Variants in LINGO2 observed in about 807,000 individuals in gnomAD.
LINGO2 encodes the protein leucine-rich repeat and immunoglobulin-like domain-containing nogo receptor-interacting protein 2.
In LINGO2, 14 loss-of-function variants were observed where a neutral mutation model predicts 30.6. The observed-to-expected ratio is 0.46, with a 90% CI of 0.30 to 0.72. LINGO2 has a LOEUF of 0.72. Ranked by LOEUF, LINGO2 falls within the 30% of genes least tolerant of loss-of-function variation. LINGO2 has a pLI of 0.07. For missense variants in LINGO2, 729 were observed against 751.7 expected (o/e 0.97, Z 0.35); for synonymous variants, 317 against 288.5 (o/e 1.10, Z -1.00).
chr9:27,961,285 G>A (rs56197633), intron 5 of LINGO2, among the ~76,000 whole-genome samples: 1 of 152,298 alleles, frequency 6.6e-6, no homozygotes, highest in African/African-American at 2.4e-5. Flanking sequence ...CCCATCATAA[G>A]TCATGGAGTG....
chr9:28,164,577 C>G (rs956695607), intron 4 of LINGO2, among the ~76,000 whole-genome samples: 1 of 152,066 alleles, frequency 6.6e-6, no homozygotes, highest in Non-Finnish European at 1.5e-5. Context: ...AAATAATGAA[C>G]TATATTGGAG....
At chr9:29,001,356 A>G in the LINGO2 span, among the ~76,000 whole-genome samples, 2 of 151,940 alleles carry the variant, frequency 1.3e-5, no homozygotes, top group African/African-American at 2.4e-5. Flanking sequence ...TATGTGACCA[A>G]TGTTTTATTC....
the LINGO2 span, among the ~76,000 whole-genome samples, chr9:28,830,102 T>C: frequency 6.6e-6 from 1 of 151,862 alleles, no homozygotes; most frequent in African/African-American, 2.4e-5. Context: ...AAAAGCAGAG[T>C]GCTACAAACC....
At chr9:28,478,023 A>G (rs1375320850) in intron 1 of LINGO2, among the ~76,000 whole-genome samples, 2 of 152,150 alleles carry the variant, frequency 1.3e-5, no homozygotes, top group African/African-American at 4.8e-5. Context: ...TTTTCATCCC[A>G]CAGGTCTCAG....
intron 3 of LINGO2, among the ~76,000 whole-genome samples, chr9:28,299,487 G>A (rs1326964099): frequency 6.6e-6 from 1 of 151,928 alleles, no homozygotes; most frequent in African/African-American, 2.4e-5. Context: ...GAAAAGGTCA[G>A]AAAGTATTTC....
intron 4 of LINGO2, among the ~76,000 whole-genome samples, chr9:28,259,551 G>A (rs1393340240): frequency 4.6e-5 from 7 of 151,786 alleles, no homozygotes; most frequent in African/African-American, 1.7e-4. Context: ...TTTGAGGGAA[G>A]AGGAAGAAAT....
the LINGO2 span, among the ~76,000 whole-genome samples, chr9:28,769,920 G>T: frequency 6.6e-6 from 1 of 151,482 alleles, no homozygotes; most frequent in Non-Finnish European, 1.5e-5. Context: ...TAAACTTTTA[G>T]GAGGAGGCTT....
At chr9:27,976,672 T>A (rs1008810466) in intron 5 of LINGO2, among the ~76,000 whole-genome samples, 2 of 152,032 alleles carry the variant, frequency 1.3e-5, no homozygotes, top group Non-Finnish European at 2.9e-5. Flanking sequence ...CATCTCTACT[T>A]TTGCCCACTA....
chr9:28,077,367 C>T (rs1211717946), intron 4 of LINGO2, among the ~76,000 whole-genome samples: 1 of 152,122 alleles, frequency 6.6e-6, no homozygotes, highest in East Asian at 1.9e-4. Flanking sequence ...GTGAGTCTTA[C>T]AAAAATGTGC....
At chr9:29,053,292 T>A in the LINGO2 span, among the ~76,000 whole-genome samples, 2 of 152,176 alleles carry the variant, frequency 1.3e-5, no homozygotes, top group African/African-American at 2.4e-5. Flanking sequence ...ATCAGAGACA[T>A]TTTAATGGCA....
At chr9:28,374,206 T>TATATATATATATATATATATATA (rs1554713022) in intron 2 of LINGO2, among the ~76,000 whole-genome samples, 2 of 109,894 alleles carry the variant, frequency 1.8e-5, no homozygotes, top group East Asian at 3.0e-4. Context: ...AAATATGTTT[T>TATATATATATATATATATATATA]TATTTATATA....
the LINGO2 span, among the ~76,000 whole-genome samples, chr9:28,896,115 G>C: frequency 6.6e-6 from 1 of 152,126 alleles, no homozygotes; most frequent in African/African-American, 2.4e-5. Context: ...GAGGGCACTG[G>C]ACAGAAGAAT....
At chr9:28,183,010 A>G (rs965166276) in intron 4 of LINGO2, among the ~76,000 whole-genome samples, 3 of 152,228 alleles carry the variant, frequency 2.0e-5, no homozygotes, top group African/African-American at 7.2e-5. Flanking sequence ...ATGCACTCGT[A>G]TGTTTATCAC....
the LINGO2 span, among the ~76,000 whole-genome samples, chr9:29,005,043 ACAC>A: frequency 2.6e-5 from 4 of 151,944 alleles, no homozygotes; most frequent in African/African-American, 9.7e-5. Context: ...TCTTATTTGC[ACAC>A]CTATGGTAAG....
chr9:28,302,515 CA>C (rs1564107313), intron 3 of LINGO2, among the ~76,000 whole-genome samples: 1 of 152,038 alleles, frequency 6.6e-6, no homozygotes, highest in Non-Finnish European at 1.5e-5. Context: ...CCTCTCCCTA[CA>C]AAAAAGTAGC....
At chr9:28,014,486 A>T (rs1822720721) in intron 4 of LINGO2, among the ~76,000 whole-genome samples, 1 of 152,210 alleles carries the variant, frequency 6.6e-6, no homozygotes, top group African/African-American at 2.4e-5. Context: ...TCCTACTATT[A>T]GCAGATGCTG....
chr9:28,900,906 T>C, the LINGO2 span, among the ~76,000 whole-genome samples: 1 of 151,942 alleles, frequency 6.6e-6, no homozygotes, highest in Non-Finnish European at 1.5e-5. Flanking sequence ...CAGGAAACAA[T>C]TCAAGGAAAA....
At chr9:28,562,114 A>G (rs1012070843) in intron 1 of LINGO2, among the ~76,000 whole-genome samples, 2 of 151,974 alleles carry the variant, frequency 1.3e-5, no homozygotes, top group Non-Finnish European at 2.9e-5. Context: ...AGAAGGGTCC[A>G]CATAATATGG....
the LINGO2 span, among the ~76,000 whole-genome samples, chr9:28,904,965 A>C: frequency 6.6e-6 from 1 of 152,046 alleles, no homozygotes; most frequent in Admixed American, 6.6e-5. Context: ...GCCCAAAAAT[A>C]AATCCACGCA....
Sources: allele counts gnomAD v4.1 joint callset (sites outside exome capture counted in the v4.1 genomes callset), GRCh38; gene constraint gnomAD v4.1.1; transcripts MANE v1.5; gene names NCBI Gene and HGNC (gene_info 2026-07-23, HGNC 2026-07-21).